Variants in ABCA2 observed in about 807,000 individuals in gnomAD.
ABCA2 encodes the protein ATP-binding cassette sub-family A member 2.
ABCA2 carries 84 observed loss-of-function variants against 262.8 expected under a neutral mutation model. That is an observed-to-expected ratio of 0.32 (90% confidence interval 0.27 to 0.38). The LOEUF (loss-of-function observed/expected upper bound fraction) is 0.38. ABCA2 is among the 10% of genes least tolerant of loss of function. The pLI, the probability that ABCA2 is intolerant of heterozygous loss-of-function variation, is 1.00. For missense variants in ABCA2, 2,662 were observed against 3,405.9 expected (o/e 0.78, Z 5.44); for synonymous variants, 1,696 against 1,502.9 (o/e 1.13, Z -2.97).
chr9:137,028,328 G>A (rs1326733620), upstream of ABCA2: 5 of 935,376 alleles, frequency 5.3e-6, no homozygotes, highest in Middle Eastern at 5.4e-4. The surrounding 1 kb of genome is among the most constrained non-coding windows in gnomAD (Gnocchi z 6.9). Context: ...CGCCCCGCCC[G>A]CCCCCGCTTA....
At chr9:137,016,898 C>A in intron 19 of ABCA2, 22 bp downstream of exon 19, 1 of 1,608,034 alleles carries the variant, frequency 6.2e-7, no homozygotes, top group Non-Finnish European at 8.5e-7. Flanking sequence ...CTCTCCCCTG[C>A]CCTCCAAGGG....
rs368307912 is a variant in ABCA2, at chr9:137,017,532, G to A, written c.2372C>T (p.Ala791Val). ...SHVVIIWLFL[A>V]VYAVATIMFC... ...CATGATGGTGGCCACCGCGTAGACT[G>A]CCAGGAAGAGCCAGATGATGACCAC... is the stretch of plus-strand genomic sequence containing the variant. Residue 791 changes from alanine (A) to valine (V), a missense_variant, in exon 17 of 49, where the codon GCA (alanine) becomes GTA (valine). Physicochemically the swap from Ala to Val is moderately conservative, Grantham distance 64 (BLOSUM62 0). Around this residue, in one of 12 missense-constraint regions of ABCA2, gnomAD observed 188 missense variants for 343.4 expected, o/e 0.55. Transcript: ENST00000341511. The A allele has an allele frequency of 1.1e-5, 17 of 1,610,716 alleles. No individual in the cohort carries two copies. Among genetic ancestry groups the A allele is most frequent in the Non-Finnish European group, 1.4e-5 (17 of 1,178,270 alleles).
At chr9:137,024,465 G>C (rs1424211105) in intron 1 of ABCA2, among the ~76,000 whole-genome samples, 1 of 152,184 alleles carries the variant, frequency 6.6e-6, no homozygotes, top group Non-Finnish European at 1.5e-5. Flanking sequence ...GCCCACACTG[G>C]GCCTACGTGC....
chr9:137,024,188 G>T lies in ABCA2; in HGVS notation c.115C>A (p.Leu39Met). ...GGCTTCTTCTGTCGCAGCCCCAGCA[G>T]GATAAAGAACAGCACCAGGGGGATG... The part of the protein sequence containing the change: ...IFIPLVLFFI[L>M]LGLRQKKPTI... Residue 39 changes from leucine (L) to methionine (M), a missense_variant, in exon 2 of 49, where the codon CTG becomes ATG. Physicochemically the swap from Leu to Met is conservative, Grantham distance 15. Coordinates refer to ENST00000341511, the MANE Select transcript of ABCA2 (RefSeq NM_001606.5). The T allele has an allele frequency of 6.2e-7, 1 of 1,612,370 alleles. No individual in the cohort carries two copies. The highest frequency in any genetic ancestry group is 8.5e-7 in the Non-Finnish European group (1 of 1,179,654).
intron 45 of ABCA2, 123 bp downstream of exon 45, chr9:137,009,247 T>A: frequency 2.2e-6 from 1 of 460,354 alleles, no homozygotes; most frequent in Non-Finnish European, 3.7e-6. Flanking sequence ...CCAGCCCCAG[T>A]GCCCCCAGCC....
At chr9:137,015,229 A>G in intron 24 of ABCA2, 132 bp from the exon 25 acceptor site, 1 of 1,235,798 alleles carries the variant, frequency 8.1e-7, no homozygotes, top group South Asian at 1.5e-5. Context: ...TCCTGGGCCC[A>G]GGGGGTGACG....
chr9:137,014,144 C>T (rs1223076370), intron 27 of ABCA2, 24 bp downstream of exon 27: 1 of 1,600,212 alleles, frequency 6.2e-7, no homozygotes, highest in South Asian at 1.1e-5. Flanking sequence ...CCTTGCTGTC[C>T]CAGCCTCACC....
intron 30 of ABCA2, 31 bp downstream of exon 30, chr9:137,012,971 T>C (rs1179596273): frequency 6.8e-7 from 1 of 1,480,374 alleles, no homozygotes; most frequent in Non-Finnish European, 9.0e-7. Context: ...TCACTGCCCC[T>C]GCCCCCCCAG....
chr9:137,013,319 C>A lies in ABCA2; in HGVS notation c.4551-1G>T. 6.5e-7 allele frequency: 1 copy of A among 1,543,230 alleles called. No individual in the cohort carries two copies. On this transcript the variant is annotated splice_acceptor_variant, in intron 29 of 48. Transcript: ENST00000341511. LOFTEE classifies it high-confidence loss of function. ...GCTGGCGTCGGGCGATAGCCGCAGCCTGCGGGCACCGACAGTGTGAGGTGG... is the reference window on the plus strand; with the variant it reads ...GCTGGCGTCGGGCGATAGCCGCAGCATGCGGGCACCGACAGTGTGAGGTGG...
At position 137,023,031 on chromosome 9, in the gene ABCA2, A is replaced by C; in HGVS notation, c.185T>G (p.Leu62Arg). ...KEVSFYTAAP[L>R]TSAGILPVMQ... is the part of the protein sequence containing the mutation. ...GACAGGCAGGATGCCGGCAGACGTC[A>C]GGGGCGCCGCTGTGTAGAAGGCTGG... Residue 62 changes from leucine to arginine, a missense_variant, in exon 4 of 49, where the codon CTG (leucine) becomes CGG (arginine). Physicochemically the swap from Leu to Arg is moderately radical, Grantham distance 102 (BLOSUM62 -2). Around this residue, in one of 12 missense-constraint regions of ABCA2, gnomAD observed 101 missense variants for 152.3 expected, o/e 0.66. Transcript: ENST00000341511. The C allele has an allele frequency of 6.3e-7, 1 of 1,589,320 alleles. No homozygotes were observed. Among genetic ancestry groups the C allele is most frequent in the Non-Finnish European group, 8.6e-7 (1 of 1,169,218 alleles).
chr9:137,008,596 C>T lies in ABCA2; in HGVS notation c.7095G>A (p.Gln2365=), dbSNP rs759682669. 1 of 1,608,904 alleles carries T rather than the reference C, an allele frequency of 6.2e-7. No homozygotes were observed. ...DNVFVNFAKK[Q]SDNLEQQETE... ...TCTCCTGCTGCTCCAGGTTGTCACT[C>T]TGCTTCTTGGCAAAGTTCACGAACA... The change falls in exon 48 of 49, where the codon CAG becomes CAA. Residue 2365 remains glutamine, a synonymous_variant. Coordinates refer to ENST00000341511, the MANE Select transcript of ABCA2 (RefSeq NM_001606.5).
At position 137,008,862 on chromosome 9, in the gene ABCA2, G is replaced by A; in HGVS notation, c.6937C>T (p.His2313Tyr). ...AGCTGGTACTGCACCTTTGTGTGGT[G>A]CCGCTCCTGCAGGGGGGGAGGTCAG... ...NFPEAMLKER[H>Y]HTKVQYQLKS... The change falls in exon 47 of 49, where the codon CAC (histidine) becomes TAC (tyrosine). Residue 2313 changes from histidine to tyrosine, a missense_variant. This residue lies in a region of ABCA2 where 212 missense variants were observed against 214.4 expected (regional missense o/e 0.99). Transcript: ENST00000341511. The A allele has an allele frequency of 6.2e-7, 1 of 1,604,194 alleles. No homozygotes were observed. The highest frequency in any genetic ancestry group is 8.5e-7 in the Non-Finnish European group (1 of 1,179,570).
intron 44 of ABCA2, 28 bp from the exon 45 acceptor site, chr9:137,009,490 GA>G: frequency 6.2e-7 from 1 of 1,608,214 alleles, no homozygotes; most frequent in Non-Finnish European, 8.5e-7. Flanking sequence ...GCTGGCACCG[GA>G]AGGGGTGCTG....
In ABCA2 at chr9:137,014,317, G is replaced by C. The variant is rs771596724; in HGVS notation, c.4091C>G (p.Ser1364Trp). The change falls in exon 27 of 49, where the codon TCG (serine) becomes TGG (tryptophan). Residue 1364 changes from serine (S) to tryptophan (W), a missense_variant. Physicochemically the swap from Ser to Trp is radical, Grantham distance 177. Coordinates refer to ENST00000341511, the MANE Select transcript of ABCA2 (RefSeq NM_001606.5). ...EGHAGNLARC[S>W]ELTQSQASLQ... ...CGATGCCTGCGACTGGGTCAGCTCC[G>C]AGCACCGGGCCAGATTGCCAGCGTG... is the stretch of plus-strand genomic sequence containing the variant. The C allele has an allele frequency of 6.2e-7, 1 of 1,609,880 alleles. No homozygotes were observed. Among genetic ancestry groups the C allele is most frequent in the Non-Finnish European group, 8.5e-7 (1 of 1,178,770 alleles).
chr9:137,017,746 C>T, intron 16 of ABCA2, 41 bp downstream of exon 16: 2 of 1,610,042 alleles, frequency 1.2e-6, no homozygotes, highest in Admixed American at 1.7e-5. Context: ...CCGCCCCTCC[C>T]TGCCAGCCCG....
At chr9:137,017,372 C>A (rs746754754) in intron 17 of ABCA2, 26 bp from the exon 18 acceptor site, 3 of 1,610,572 alleles carry the variant, frequency 1.9e-6, no homozygotes, top group Non-Finnish European at 2.5e-6. Context: ...CCACGCGCAC[C>A]GTCATCCACC....
At position 137,021,069 on chromosome 9, in the gene ABCA2, G is replaced by A; in HGVS notation, c.898-8C>T. 1 of 1,473,412 alleles carries A rather than the reference G, an allele frequency of 6.8e-7. No individual in the cohort carries two copies. The highest frequency in any genetic ancestry group is 9.0e-7 in the Non-Finnish European group (1 of 1,110,890). The allele number at this position is 1,473,412 out of a possible 1,614,324, so 91.3% of individuals were successfully genotyped here. A position where few individuals can be genotyped will look rare whatever the true frequency, so the allele number is the denominator to read the frequency against. On this transcript the variant is annotated splice_polypyrimidine_tract_variant and splice_region_variant and intron_variant, in intron 8 of 48. Transcript: ENST00000341511. The surrounding 1 kb of genome is among the most constrained non-coding windows in gnomAD (Gnocchi z 6.0). ...GGGGGCATCCAGGCCCAGCTGAGGG[G>A]AAACAGGCACGTGGGCAGTGCGGGG...
rs779276350 is a variant in ABCA2, at chr9:137,008,497, C to T, written c.7194G>A (p.Thr2398=). The change falls in exon 48 of 49, where the codon ACG becomes ACA. Residue 2398 remains threonine (T), a synonymous_variant. Transcript: ENST00000341511. ...LSLLRPRSAP[T]ELRALVADEP... ...CGTCTGCCACAAGTGCCCGGAGCTC[C>T]GTGGGGGCAGACCGGGGCCGGAGCA... The T allele has an allele frequency of 2.2e-5, 35 of 1,578,814 alleles. No individual in the cohort carries two copies. The highest frequency in any genetic ancestry group is 3.3e-4 in the Middle Eastern group (2 of 6,054).
At position 137,012,333 on chromosome 9, in the gene ABCA2, A is replaced by T; in HGVS notation, c.5231T>A (p.Leu1744His). Reference sequence around the variant, plus strand: ...CAGGATGGCGTTGTTGAGGCTGTTGAGGTAGGTGGGCATGCTGTGATAGCC... The same window carrying T: ...CAGGATGGCGTTGTTGAGGCTGTTGTGGTAGGTGGGCATGCTGTGATAGCC... ...NKGYHSMPTY[L>H]NSLNNAILRA... Residue 1744 changes from leucine (L) to histidine (H), a missense_variant, in exon 33 of 49, where the codon CTC (leucine) becomes CAC (histidine). Coordinates refer to ENST00000341511, the MANE Select transcript of ABCA2 (RefSeq NM_001606.5). 6.2e-7 allele frequency: 1 copy of T among 1,608,450 alleles called. No individual in the cohort carries two copies. The highest frequency in any genetic ancestry group is 8.5e-7 in the Non-Finnish European group (1 of 1,177,900).
Sources: gnomAD v4.1 joint callset for allele counts (sites outside exome capture counted in the v4.1 genomes callset) on GRCh38, gnomAD v4.1.1 for gene constraint, gnomAD v4.1.1 regional missense constraint, Gnocchi (gnomAD v3.1) non-coding constraint, MANE v1.5 for transcripts, NCBI Gene and HGNC (gene_info 2026-07-23, HGNC 2026-07-21) for gene names.